PEAK1: variants seen among roughly 807,000 people sequenced by gnomAD.
The protein encoded by PEAK1 is inactive tyrosine-protein kinase PEAK1.
In PEAK1, 54 loss-of-function variants were observed where a neutral mutation model predicts 124.7. That is an observed-to-expected ratio of 0.43 (90% CI 0.35 to 0.54). The LOEUF is 0.54. PEAK1 is among the 20% of genes least tolerant of loss of function. PEAK1 has a pLI of 0.01. For synonymous variants in PEAK1, 719 were observed against 760.0 expected, an observed-to-expected ratio of 0.95 and a Z score of 0.89; for missense variants, 2,046 against 2,134.5, an observed-to-expected ratio of 0.96 and a Z score of 0.82.
At chr15:77,342,303 G>A (rs28482884) in intron 2 of PEAK1, among the ~76,000 whole-genome samples, 1 of 151,488 alleles carries the variant, frequency 6.6e-6, no homozygotes, top group Non-Finnish European at 1.5e-5. Context: ...TACCCATTAA[G>A]AATTCCTCTT....
intron 1 of PEAK1, among the ~76,000 whole-genome samples, chr15:77,395,521 C>T (rs1338969758): frequency 6.6e-6 from 1 of 151,784 alleles, no homozygotes; most frequent in East Asian, 1.9e-4. Context: ...ATCAAACTTT[C>T]AAAGGTCAAG....
At chr15:77,404,888 TCTCTC>T (rs1222766977) in intron 1 of PEAK1, 1 of 575,238 alleles carries the variant, frequency 1.7e-6, no homozygotes, top group African/African-American at 2.0e-5. Context: ...ATAAATCTGC[TCTCTC>T]CTCAATCAGT....
At chr15:77,242,024 C>T (rs576236569) in intron 6 of PEAK1, among the ~76,000 whole-genome samples, 2 of 152,062 alleles carry the variant, frequency 1.3e-5, no homozygotes, top group African/African-American at 2.4e-5. Flanking sequence ...TAGCTATACA[C>T]TCAATTTCTG....
intron 6 of PEAK1, among the ~76,000 whole-genome samples, chr15:77,228,130 TTATAC>T (rs962722093): frequency 6.6e-5 from 10 of 152,028 alleles, no homozygotes; most frequent in African/African-American, 2.4e-4. Flanking sequence ...ATTATTATTA[TTATAC>T]TATAAGTTTT....
At chr15:77,184,143 A>T (rs1044011295) in intron 6 of PEAK1, among the ~76,000 whole-genome samples, 1 of 151,894 alleles carries the variant, frequency 6.6e-6, no homozygotes, top group Non-Finnish European at 1.5e-5. Context: ...AGATACATGG[A>T]TTGCATTTAA....
chr15:77,100,791 A>G lies in PEAK1; in HGVS notation c.*13365T>C, dbSNP rs1365550469. The stretch of plus-strand genomic sequence containing the variant: ...CAAGGACACTCGGCCCACTCAATTA[A>G]TTAACATCTATTACAATCAGAAAAC... On this transcript the variant is annotated 3_prime_UTR_variant, in exon 7 of 7. Transcript: ENST00000560626. 4 of 152,388 alleles carry G rather than the reference A, an allele frequency of 2.6e-5. No individual in the cohort carries two copies. In the East Asian group the frequency reaches 7.7e-4, roughly 29 times the overall value. The allele number at this position is 152,388 out of a possible 1,614,324, so 9.4% of individuals were successfully genotyped here. A position where few individuals can be genotyped will look rare whatever the true frequency, so the allele number is the denominator to read the frequency against.
chr15:77,407,163 A>C (rs1296214377), intron 1 of PEAK1, among the ~76,000 whole-genome samples: 1 of 152,210 alleles, frequency 6.6e-6, no homozygotes, highest in Non-Finnish European at 1.5e-5. Flanking sequence ...AAACGATAAA[A>C]ATTCTAAAAG....
At chr15:77,407,754 G>C (rs114042293) in intron 1 of PEAK1, among the ~76,000 whole-genome samples, 1,696 of 152,178 alleles carry the variant, frequency 0.011, 42 homozygotes, top group African/African-American at 0.039. Context: ...TCCCACTCCT[G>C]AGTATCTACC....
At chr15:77,401,752 T>C (rs1458211278) in intron 1 of PEAK1, 1 of 985,098 alleles carries the variant, frequency 1.0e-6, no homozygotes, top group Non-Finnish European at 1.2e-6. Flanking sequence ...AGTTTTACTT[T>C]CTTAGAGAGC....
chr15:77,410,326 T>C (rs917485859), intron 1 of PEAK1, among the ~76,000 whole-genome samples: 4 of 152,092 alleles, frequency 2.6e-5, no homozygotes, highest in Admixed American at 2.0e-4. Context: ...GCTTTCTCCA[T>C]GTGGGTCAGG....
chr15:77,381,336 G>C (rs1269680535), intron 1 of PEAK1: 1 of 790,518 alleles, frequency 1.3e-6, no homozygotes, highest in Non-Finnish European at 1.5e-6. Flanking sequence ...CACTGCTTGA[G>C]GCCAGGAGTT....
intron 7 of PEAK1, among the ~76,000 whole-genome samples, chr15:77,171,767 T>C (rs899195852): frequency 6.6e-6 from 1 of 152,222 alleles, no homozygotes. Flanking sequence ...ACATTATATG[T>C]ATTGCAACAT....
At chr15:77,268,169 A>T (rs1451032332) in intron 5 of PEAK1, among the ~76,000 whole-genome samples, 12 of 152,200 alleles carry the variant, frequency 7.9e-5, no homozygotes, top group Admixed American at 7.9e-4. Context: ...CAAAGAAGAA[A>T]AAAGAATTTT....
intron 7 of PEAK1, among the ~76,000 whole-genome samples, chr15:77,169,402 T>C (rs1351629048): frequency 1.3e-5 from 2 of 152,212 alleles, no homozygotes; most frequent in Non-Finnish European, 2.9e-5. Flanking sequence ...TAAATTAACA[T>C]GCAAGTAACT....
At chr15:77,405,185 T>C (rs1384343962) in intron 1 of PEAK1, among the ~76,000 whole-genome samples, 17 of 151,960 alleles carry the variant, frequency 1.1e-4, no homozygotes, top group Non-Finnish European at 1.5e-5. Context: ...TTTTGTGTTT[T>C]AGTAGGGATG....
At chr15:77,335,517 T>C (rs942715899) in intron 2 of PEAK1, 34 of 982,334 alleles carry the variant, frequency 3.5e-5, no homozygotes, top group Admixed American at 1.8e-4. Flanking sequence ...GTCTGGCTTG[T>C]TGCCCAGGTT....
chr15:77,399,712 T>C (rs531529634), intron 1 of PEAK1, among the ~76,000 whole-genome samples: 1 of 152,208 alleles, frequency 6.6e-6, no homozygotes, highest in South Asian at 2.1e-4. Context: ...ATAAAACTAC[T>C]ACAAGGAAAC....
chr15:77,215,906 T>TTTTATA (rs57869574), intron 6 of PEAK1, among the ~76,000 whole-genome samples: 9 of 150,716 alleles, frequency 6.0e-5, no homozygotes, highest in Non-Finnish European at 1.0e-4. Flanking sequence ...TTGAGATATA[T>TTTTATA]TTTATATTTA....
intron 2 of PEAK1, chr15:77,337,252 A>AG (rs1200936251): frequency 1.0e-6 from 1 of 984,972 alleles, no homozygotes; most frequent in Non-Finnish European, 1.2e-6. Context: ...AAGCTCCACT[A>AG]GGGAAAAAAA....
Sources: allele counts gnomAD v4.1 joint callset (sites outside exome capture counted in the v4.1 genomes callset), GRCh38; gene constraint gnomAD v4.1.1; transcripts MANE v1.5; gene names NCBI Gene and HGNC (gene_info 2026-07-23, HGNC 2026-07-21).